Variants in SNX29 observed in about 807,000 individuals in gnomAD.
The protein encoded by SNX29 is sorting nexin 29, also known as sorting nexin-29.
In SNX29, 78 loss-of-function variants were observed where a neutral mutation model predicts 102.1. The observed-to-expected ratio is 0.76, with a 90% CI of 0.64 to 0.92. The LOEUF is 0.92. SNX29 is among the 40% of genes least tolerant of loss of function. The probability of loss-of-function intolerance (pLI) is 0.00; values close to 1 mark genes in which losing one functional copy is unlikely to be tolerated. For synonymous variants in SNX29, 580 were observed against 414.5 expected (o/e 1.40, Z -4.85); for missense variants, 1,280 against 1,061.7 (o/e 1.21, Z -2.86).
intron 14 of SNX29, among the ~76,000 whole-genome samples, chr16:12,220,914 G>C (rs1199977882): frequency 3.9e-5 from 6 of 152,132 alleles, no homozygotes; most frequent in Non-Finnish European, 8.8e-5. Context: ...GGATGGTCAG[G>C]TTTTATGGGA....
chr16:12,138,024 A>G (rs899235743), intron 13 of SNX29, among the ~76,000 whole-genome samples: 1 of 152,016 alleles, frequency 6.6e-6, no homozygotes, highest in African/African-American at 2.4e-5. Context: ...AACAGAAAAG[A>G]GTGTTGTTAT....
chr16:12,538,971 T>C (rs543035250), intron 20 of SNX29, among the ~76,000 whole-genome samples: 12 of 152,202 alleles, frequency 7.9e-5, no homozygotes, highest in African/African-American at 2.9e-4. Context: ...GCAAGTGATA[T>C]AAATAGGGAG....
intron 14 of SNX29, among the ~76,000 whole-genome samples, chr16:12,228,460 T>G (rs181919043): frequency 1.5e-4 from 23 of 152,314 alleles, no homozygotes; most frequent in Non-Finnish European, 2.8e-4. Flanking sequence ...AGCATCCTGC[T>G]CTCTCTGCCT....
chr16:12,523,406 A>G (rs926620798), intron 19 of SNX29, among the ~76,000 whole-genome samples: 1 of 151,960 alleles, frequency 6.6e-6, no homozygotes, highest in Non-Finnish European at 1.5e-5. Context: ...TTGTTTCTTC[A>G]CCTTGCTTGG....
intron 3 of SNX29, among the ~76,000 whole-genome samples, chr16:12,003,941 T>C (rs1297349653): frequency 6.6e-6 from 1 of 151,506 alleles, no homozygotes; most frequent in Non-Finnish European, 1.5e-5. Flanking sequence ...CAGGCTAATT[T>C]TGGGGAAAAT....
intron 11 of SNX29, among the ~76,000 whole-genome samples, chr16:12,082,407 G>C (rs941447328): frequency 6.6e-6 from 1 of 152,298 alleles, no homozygotes; most frequent in South Asian, 2.1e-4. Flanking sequence ...GGTCCACATA[G>C]AGCATGGTGT....
Position 12,570,211 on chromosome 16 carries a change from G to A in SNX29, c.*1582G>A. On this transcript the variant is annotated 3_prime_UTR_variant, in exon 21 of 21. Coordinates refer to ENST00000566228, the MANE Select transcript of SNX29 (RefSeq NM_032167.5). ...GCCTACATGACTTCCAAGGGGACCT[G>A]GGGCCAGATAAGCCCTGCCCCGGTG... 6 of 1,064,922 alleles carry A rather than the reference G, an allele frequency of 5.6e-6. No individual in the cohort carries two copies. Among genetic ancestry groups the A allele is most frequent in the East Asian group, 5.0e-5 (1 of 20,064 alleles). 66.0% of individuals were successfully genotyped at this position (1,064,922 alleles called of 1,614,324 possible).
intron 12 of SNX29, among the ~76,000 whole-genome samples, chr16:12,127,968 C>T (rs548181410): frequency 4.6e-5 from 7 of 152,068 alleles, no homozygotes; most frequent in African/African-American, 1.2e-4. Context: ...TGTGTGTTCA[C>T]GTCACCCTTT....
At chr16:12,161,419 C>G (rs1196442212) in intron 13 of SNX29, among the ~76,000 whole-genome samples, 2 of 152,152 alleles carry the variant, frequency 1.3e-5, no homozygotes, top group African/African-American at 2.4e-5. Flanking sequence ...GGCAGTTACT[C>G]TCTCGTCTTC....
intron 14 of SNX29, among the ~76,000 whole-genome samples, chr16:12,245,214 G>A (rs1044881608): frequency 5.3e-5 from 8 of 152,154 alleles, no homozygotes; most frequent in Non-Finnish European, 1.0e-4. Flanking sequence ...TCCTGGCATT[G>A]CTCCCTATGA....
intron 15 of SNX29, among the ~76,000 whole-genome samples, chr16:12,304,376 G>T (rs1425040586): frequency 3.9e-5 from 6 of 152,200 alleles, no homozygotes; most frequent in Admixed American, 3.9e-4. Context: ...AGGTTCAAGC[G>T]ATTCTCCTGC....
At chr16:12,433,068 C>T (rs1597363571) in intron 18 of SNX29, among the ~76,000 whole-genome samples, 1 of 152,102 alleles carries the variant, frequency 6.6e-6, no homozygotes, top group African/African-American at 2.4e-5. Flanking sequence ...TGGAAGGAGC[C>T]CCAGGGAAAC....
chr16:12,169,635 G>A (rs2076098679), intron 13 of SNX29, among the ~76,000 whole-genome samples: 1 of 152,180 alleles, frequency 6.6e-6, no homozygotes, highest in Non-Finnish European at 1.5e-5. Flanking sequence ...CAAGATGGGT[G>A]GATCACCTGA....
At chr16:12,415,018 C>A (rs370096779) in intron 18 of SNX29, among the ~76,000 whole-genome samples, 1 of 152,344 alleles carries the variant, frequency 6.6e-6, no homozygotes, top group East Asian at 1.9e-4. Flanking sequence ...CCACTGCACC[C>A]GGCCTGTTGT....
chr16:12,052,496 C>T (rs2050349291), intron 8 of SNX29: 3 of 383,108 alleles, frequency 7.8e-6, no homozygotes, highest in Non-Finnish European at 1.5e-5. Context: ...GGTTTACAGG[C>T]ATGAGCCACC....
chr16:12,247,243 G>GA (rs2078285986), intron 14 of SNX29, among the ~76,000 whole-genome samples: 1 of 152,178 alleles, frequency 6.6e-6, no homozygotes, highest in Admixed American at 6.5e-5. Flanking sequence ...TGGCTCTTCA[G>GA]GTGGAGATGA....
rs577271068 is a variant in SNX29, at chr16:12,151,363, A to G, written c.1595+21605A>G. Among the ~76,000 whole-genome samples, 3 of 152,190 alleles carry G rather than the reference A, an allele frequency of 2.0e-5. No homozygotes were observed. The South Asian group carries it at 6.2e-4, about 31-fold the overall frequency. On this transcript the variant is annotated intron_variant, in intron 13 of 20. Transcript: ENST00000566228. ...TAATATCTAAGTTCAAAGTTCCTTGATGGTCGTTTACAGTGGCTTTGTTTG... is the reference window on the plus strand; with the variant it reads ...TAATATCTAAGTTCAAAGTTCCTTGGTGGTCGTTTACAGTGGCTTTGTTTG...
chr16:12,171,367 C>T (rs2076146091), intron 13 of SNX29, among the ~76,000 whole-genome samples: 1 of 152,244 alleles, frequency 6.6e-6, no homozygotes, highest in African/African-American at 2.4e-5. Flanking sequence ...CAGTTAGTCC[C>T]ATCTTTTGGA....
chr16:12,256,399 C>T (rs1456771743), intron 14 of SNX29, among the ~76,000 whole-genome samples: 1 of 152,154 alleles, frequency 6.6e-6, no homozygotes, highest in Non-Finnish European at 1.5e-5. Flanking sequence ...CAGATCTTGG[C>T]TCACTGCAAC....
Sources: allele counts gnomAD v4.1 joint callset (sites outside exome capture counted in the v4.1 genomes callset), GRCh38; gene constraint gnomAD v4.1.1; transcripts MANE v1.5; gene names NCBI Gene and HGNC (gene_info 2026-07-23, HGNC 2026-07-21).